The following COL19A1 variants were observed in gnomAD, a reference collection of about 807,000 sequenced individuals.
COL19A1 encodes the protein collagen type XIX alpha 1 chain, also known as collagen alpha-1(XIX) chain.
COL19A1 carries 159 observed loss-of-function variants against 190.2 expected under a neutral mutation model. The ratio of observed to expected loss-of-function variants is 0.84; its 90% CI spans 0.73 to 0.95. The LOEUF (loss-of-function observed/expected upper bound fraction) is 0.95, where lower values mean the gene tolerates loss of function less well. COL19A1 is among the 40% of genes least tolerant of loss of function. The pLI, the probability that COL19A1 is intolerant of heterozygous loss-of-function variation, is 0.00. For missense variants in COL19A1, 1,418 were observed against 1,431.9 expected, an observed-to-expected ratio of 0.99 and a Z score of 0.16; for synonymous variants, 509 against 458.9, an observed-to-expected ratio of 1.11 and a Z score of -1.39.
intron 49 of COL19A1, among the ~76,000 whole-genome samples, chr6:70,204,974 A>G (rs1767771654): frequency 6.6e-6 from 1 of 151,862 alleles, no homozygotes; most frequent in Non-Finnish European, 1.5e-5. Flanking sequence ...CATACGTTAA[A>G]TGAAAGTCAC....
chr6:69,912,858 CA>C (rs2149988928), intron 4 of COL19A1, among the ~76,000 whole-genome samples: 1 of 152,272 alleles, frequency 6.6e-6, no homozygotes, highest in African/African-American at 2.4e-5. Flanking sequence ...GAGGCCAAGG[CA>C]GGCAGATCGC....
intron 2 of COL19A1, among the ~76,000 whole-genome samples, chr6:69,889,737 T>C (rs1288933113): frequency 6.6e-6 from 1 of 152,144 alleles, no homozygotes; most frequent in Non-Finnish European, 1.5e-5. Flanking sequence ...TCTAAAGGAT[T>C]GTAAACACAC....
At chr6:70,069,391 G>T (rs1781424828) in intron 15 of COL19A1, among the ~76,000 whole-genome samples, 3 of 152,056 alleles carry the variant, frequency 2.0e-5, no homozygotes, top group Admixed American at 2.0e-4. Context: ...GAGGGTCAGT[G>T]GTGTATTGTA....
At chr6:69,972,253 T>A (rs915328301) in intron 11 of COL19A1, among the ~76,000 whole-genome samples, 3 of 152,242 alleles carry the variant, frequency 2.0e-5, no homozygotes, top group African/African-American at 7.2e-5. Context: ...CCTTCTGTTA[T>A]AATTTCTCAT....
At chr6:70,059,074 T>G (rs911466910) in intron 14 of COL19A1, among the ~76,000 whole-genome samples, 6 of 152,102 alleles carry the variant, frequency 3.9e-5, no homozygotes, top group Non-Finnish European at 7.4e-5. Context: ...TTTATTTTCA[T>G]ACATTCTATT....
intron 11 of COL19A1, among the ~76,000 whole-genome samples, chr6:69,978,746 A>G (rs1157353842): frequency 6.6e-6 from 1 of 151,726 alleles, no homozygotes; most frequent in Non-Finnish European, 1.5e-5. Context: ...AAAATCAATG[A>G]AACAGAAAAT....
At chr6:70,199,811 G>A in intron 49 of COL19A1, 75 bp downstream of exon 49, 1 of 1,444,706 alleles carries the variant, frequency 6.9e-7, no homozygotes, top group Non-Finnish European at 9.3e-7. Flanking sequence ...CACAGTTAAG[G>A]AAAAAAGTAT....
chr6:70,064,611 G>A (rs998402320), intron 14 of COL19A1, among the ~76,000 whole-genome samples: 1 of 152,032 alleles, frequency 6.6e-6, no homozygotes, highest in African/African-American at 2.4e-5. Flanking sequence ...TTCTGGCCAG[G>A]GCAATCAGGC....
intron 9 of COL19A1, among the ~76,000 whole-genome samples, chr6:69,945,004 A>C (rs1462015094): frequency 6.6e-6 from 1 of 151,928 alleles, no homozygotes; most frequent in Non-Finnish European, 1.5e-5. Flanking sequence ...TTCCTTAGCA[A>C]CTGCATTACT....
intron 42 of COL19A1, among the ~76,000 whole-genome samples, chr6:70,179,561 C>T (rs1583101052): frequency 6.6e-6 from 1 of 152,204 alleles, no homozygotes; most frequent in South Asian, 2.1e-4. Flanking sequence ...TCAAATCAAA[C>T]ATGATTTTTT....
intron 9 of COL19A1, 73 bp downstream of exon 9, chr6:69,938,173 ATTTTTCTT>A: frequency 7.3e-7 from 1 of 1,360,900 alleles, no homozygotes; most frequent in East Asian, 2.4e-5. Flanking sequence ...TGTTCATCTC[ATTTTTCTT>A]TATTCTGTAC....
At chr6:69,901,126 G>A (rs978079742) in intron 4 of COL19A1, among the ~76,000 whole-genome samples, 38 of 133,746 alleles carry the variant, frequency 2.8e-4, no homozygotes, top group African/African-American at 1.1e-3. Context: ...TGAATATACC[G>A]CAATAAAAAC....
intron 4 of COL19A1, among the ~76,000 whole-genome samples, chr6:69,914,339 G>A (rs556206861): frequency 6.6e-6 from 1 of 152,292 alleles, no homozygotes; most frequent in Non-Finnish European, 1.5e-5. Flanking sequence ...CAAATTGCTT[G>A]TAACTGACAG....
At chr6:69,930,728 G>C (rs1162400665) in intron 6 of COL19A1, among the ~76,000 whole-genome samples, 1 of 152,166 alleles carries the variant, frequency 6.6e-6, no homozygotes, top group South Asian at 2.1e-4. Flanking sequence ...TGAGGCAGGA[G>C]GGGGAGGTTA....
chr6:70,156,368 A>C lies in COL19A1; in HGVS notation c.2237A>C (p.Lys746Thr), dbSNP rs1787439943. The change falls in exon 33 of 51, where the codon AAG (lysine) becomes ACG (threonine). Residue 746 changes from lysine (K) to threonine (T), a missense_variant and splice_region_variant. Lys to Thr is a moderately conservative substitution (Grantham distance 78, BLOSUM62 -1). Coordinates refer to ENST00000620364, the MANE Select transcript of COL19A1 (RefSeq NM_001858.6). ...GGAATCCCAGGAAGAGAGGGACCAA[A>C]GGTAAGAAATTCTCTCCTCCACTTT... ...PPGIPGREGPKGSKGERGYPG... is the reference protein window; with the variant it reads ...PPGIPGREGPTGSKGERGYPG... 6.2e-7 allele frequency: 1 copy of C among 1,613,224 alleles called. No individual in the cohort carries two copies. The highest frequency in any genetic ancestry group is 1.7e-5 in the Admixed American group (1 of 59,896).
Position 70,061,939 on chromosome 6 carries a change from G to A in COL19A1, c.1171-6484G>A, listed in dbSNP as rs1001307868. ...TTTTTCTTATAAACACTAGGAATTT[G>A]CCATTTTAAAGTTGGCCTAATTATC... On this transcript the variant is annotated intron_variant, in intron 14 of 50. Transcript: ENST00000620364. Among the ~76,000 whole-genome samples, 14 of 151,936 alleles carry A rather than the reference G, an allele frequency of 9.2e-5. 1 individual carries two copies. The highest frequency in any genetic ancestry group is 7.2e-4 in the Admixed American group (11 of 15,218).
intron 34 of COL19A1, among the ~76,000 whole-genome samples, chr6:70,158,658 T>A (rs1436411382): frequency 6.6e-6 from 1 of 152,058 alleles, no homozygotes; most frequent in African/African-American, 2.4e-5. Context: ...CTTCCTATAA[T>A]ATCTTGGGAT....
At chr6:70,089,888 TC>T (rs1430511591) in intron 15 of COL19A1, among the ~76,000 whole-genome samples, 1 of 152,128 alleles carries the variant, frequency 6.6e-6, no homozygotes. Context: ...TATCTTTTTT[TC>T]CAGTCAAAAA....
chr6:69,924,065 A>G (rs1291145285), intron 4 of COL19A1, among the ~76,000 whole-genome samples: 3 of 152,236 alleles, frequency 2.0e-5, no homozygotes, highest in East Asian at 1.9e-4. Flanking sequence ...CTAATTTCCA[A>G]TGTTACCATA....
Sources: allele counts gnomAD v4.1 joint callset (sites outside exome capture counted in the v4.1 genomes callset), GRCh38; gene constraint gnomAD v4.1.1; transcripts MANE v1.5; gene names NCBI Gene and HGNC (gene_info 2026-07-23, HGNC 2026-07-21).